PAX7: variants seen among roughly 807,000 people sequenced by gnomAD.
PAX7 encodes paired box 7, also known as paired box protein Pax-7.
Under a neutral mutation model 50.7 loss-of-function variants are expected in PAX7, and 18 were observed. The observed-to-expected ratio is 0.36, with a 90% CI of 0.25 to 0.53. PAX7 has a LOEUF of 0.53. Ranked by LOEUF, PAX7 falls within the 20% of genes least tolerant of loss-of-function variation. The pLI is 0.93. For synonymous variants in PAX7, 310 were observed against 290.4 expected (o/e 1.07, Z -0.69); for missense variants, 644 against 702.9 (o/e 0.92, Z 0.95).
At position 18,700,006 on chromosome 1, in the gene PAX7, T is replaced by C. The variant is rs1265811606; in HGVS notation, c.787-647T>C. Among the ~76,000 whole-genome samples the C allele has an allele frequency of 6.6e-6, 1 of 152,070 alleles. No homozygotes were observed. ...TCTCATGGGTCTATGTATGGATTGA[T>C]ACGTGAAGTGCCAGCACAGGAAGGG... On this transcript the variant is annotated intron_variant, in intron 5 of 8. Transcript: ENST00000420770. The surrounding 1 kb of genome is among the most constrained non-coding windows in gnomAD (Gnocchi z 4.8).
At chr1:18,702,293 C>A (rs1423012581) in intron 6 of PAX7, among the ~76,000 whole-genome samples, 1 of 152,060 alleles carries the variant, frequency 6.6e-6, no homozygotes, top group Non-Finnish European at 1.5e-5. Flanking sequence ...GAGCCCAGAT[C>A]GCGCCACTGC....
chr1:18,694,507 A>T (rs2089125873), intron 5 of PAX7, among the ~76,000 whole-genome samples: 1 of 144,614 alleles, frequency 6.9e-6, no homozygotes, highest in African/African-American at 2.5e-5. Flanking sequence ...TAAATAAATA[A>T]ATATAAAATA....
chr1:18,736,139 C>T, intron 8 of PAX7: 1 of 641,958 alleles, frequency 1.6e-6, no homozygotes, highest in Non-Finnish European at 2.7e-6. Flanking sequence ...ACAAATATCA[C>T]TTAACATTTC....
At chr1:18,644,947 T>C (rs896797699) in intron 4 of PAX7, among the ~76,000 whole-genome samples, 16 of 152,228 alleles carry the variant, frequency 1.1e-4, no homozygotes, top group African/African-American at 3.9e-4. Flanking sequence ...TTGTGTTAAG[T>C]GACCTCAAGA....
At chr1:18,657,802 C>T (rs368219121) in intron 4 of PAX7, among the ~76,000 whole-genome samples, 1 of 151,962 alleles carries the variant, frequency 6.6e-6, no homozygotes. Context: ...GAGAATGCCC[C>T]CTAAAAAAAA....
chr1:18,701,822 G>C (rs2789322), intron 6 of PAX7, among the ~76,000 whole-genome samples: 58,168 of 151,728 alleles, frequency 0.38, 12,673 homozygotes, highest in East Asian at 0.6. Context: ...CCCTTCTAGC[G>C]CTGGAAAGGG....
intron 4 of PAX7, among the ~76,000 whole-genome samples, chr1:18,676,359 A>G (rs903273831): frequency 1.4e-5 from 2 of 144,828 alleles, no homozygotes; most frequent in Non-Finnish European, 3.0e-5. Flanking sequence ...GTTGCAGTAG[A>G]TTGATGGGGG....
rs1481344968 is a variant in PAX7, at chr1:18,735,516, T to A, written c.1156-116T>A. 1 of 1,505,946 alleles carries A rather than the reference T, an allele frequency of 6.6e-7. No homozygotes were observed. The highest frequency in any genetic ancestry group is 1.4e-5 in the African/African-American group (1 of 71,626). 93.3% of individuals were successfully genotyped at this position (1,505,946 alleles called of 1,614,324 possible). ...TGAGGACCTCGAAGCTACAGAGACT[T>A]CAAGGGAACAACTCTGGCAAAGAGT... On this transcript the variant is annotated intron_variant, in intron 7 of 8. Transcript: ENST00000420770. This position sits in a 1 kb window ranked among gnomAD's most constrained non-coding sequence, Gnocchi z 4.0.
At chr1:18,645,205 G>A (rs2088318722) in intron 4 of PAX7, among the ~76,000 whole-genome samples, 1 of 152,202 alleles carries the variant, frequency 6.6e-6, no homozygotes, top group Non-Finnish European at 1.5e-5. Context: ...GAATTTGGCA[G>A]CCAGCCCCCA....
At position 18,634,191 on chromosome 1, in the gene PAX7, T is replaced by TGA. The variant is rs1342918965; in HGVS notation, c.86-110_86-109dup. On this transcript the variant is annotated intron_variant, in intron 1 of 8. Transcript: ENST00000420770. This position sits in a 1 kb window ranked among gnomAD's most constrained non-coding sequence, Gnocchi z 4.0. Reference sequence around the variant, plus strand: ...TGTGAGGACCACCGGGATTGCTGTCTGAGGTCTTGGGGCTCAAACAAACAA... The same window carrying TGA: ...TGTGAGGACCACCGGGATTGCTGTCTGAGAGGTCTTGGGGCTCAAACAAACAA... 2.6e-6 allele frequency: 2 copies of TGA among 777,196 alleles called. No individual in the cohort carries two copies. The highest frequency in any genetic ancestry group is 4.8e-5 in the Admixed American group (2 of 41,898). The allele number at this position is 777,196 out of a possible 1,614,324, so 48.1% of individuals were successfully genotyped here. A position where few individuals can be genotyped will look rare whatever the true frequency, so the allele number is the denominator to read the frequency against.
At chr1:18,656,661 AAGTAAAATG>A (rs1368785088) in intron 4 of PAX7, among the ~76,000 whole-genome samples, 1 of 151,990 alleles carries the variant, frequency 6.6e-6, no homozygotes, top group African/African-American at 2.4e-5. Flanking sequence ...TAGTTTCCCA[AAGTAAAATG>A]AGTAAAATAA....
At chr1:18,717,316 G>A (rs1005718812) in intron 7 of PAX7, among the ~76,000 whole-genome samples, 3 of 152,214 alleles carry the variant, frequency 2.0e-5, no homozygotes, top group African/African-American at 4.8e-5. Flanking sequence ...GGGGCAGGCG[G>A]CGAAGGGACG....
At chr1:18,643,080 G>A (rs1458385494) in intron 4 of PAX7, among the ~76,000 whole-genome samples, 1 of 152,176 alleles carries the variant, frequency 6.6e-6, no homozygotes, top group Non-Finnish European at 1.5e-5. Flanking sequence ...ACAGCCTCGG[G>A]AGGGGTGAAG....
intron 2 of PAX7, 82 bp from the exon 3 acceptor site, chr1:18,635,029 G>C: frequency 2.0e-6 from 3 of 1,523,882 alleles, no homozygotes; most frequent in Non-Finnish European, 2.7e-6. Flanking sequence ...CTGGTCTGGG[G>C]CTCTTAAGAG....
intron 4 of PAX7, among the ~76,000 whole-genome samples, chr1:18,655,170 A>G (rs1056517347): frequency 1.4e-4 from 22 of 152,200 alleles, no homozygotes; most frequent in African/African-American, 5.1e-4. Context: ...GTTATTTTCA[A>G]TGAAGACAAT....
At chr1:18,656,236 G>A (rs2088517790) in intron 4 of PAX7, among the ~76,000 whole-genome samples, 1 of 152,234 alleles carries the variant, frequency 6.6e-6, no homozygotes, top group Admixed American at 6.5e-5. Flanking sequence ...GCTCACGCCT[G>A]TAATCCCAGC....
At chr1:18,693,982 G>A (rs1326836857) in intron 5 of PAX7, among the ~76,000 whole-genome samples, 1 of 152,166 alleles carries the variant, frequency 6.6e-6, no homozygotes, top group Admixed American at 6.5e-5. Context: ...CTGAGGGGGC[G>A]GGGCCCGCCT....
At chr1:18,662,257 C>T (rs983227033) in intron 4 of PAX7, among the ~76,000 whole-genome samples, 5 of 152,184 alleles carry the variant, frequency 3.3e-5, no homozygotes, top group African/African-American at 9.6e-5. Context: ...GCTACTCCTG[C>T]TCTCTGAGCT....
chr1:18,635,254 T>C lies in PAX7; in HGVS notation c.451+14T>C, dbSNP rs768846421. 6.2e-7 allele frequency: 1 copy of C among 1,612,488 alleles called. No individual in the cohort carries two copies. The highest frequency in any genetic ancestry group is 8.5e-7 in the Non-Finnish European group (1 of 1,179,316). On this transcript the variant is annotated intron_variant, in intron 3 of 8. Transcript: ENST00000420770. ...CTGTGCCCTCAGGTGAGAAGGCAGCTGAGCCGGCAGAGCTGGCCCAGAGTG... is the reference window on the plus strand; with the variant it reads ...CTGTGCCCTCAGGTGAGAAGGCAGCCGAGCCGGCAGAGCTGGCCCAGAGTG...
Sources: allele counts gnomAD v4.1 joint callset (sites outside exome capture counted in the v4.1 genomes callset), GRCh38; gene constraint gnomAD v4.1.1; non-coding constraint Gnocchi (gnomAD v3.1); transcripts MANE v1.5; gene names NCBI Gene and HGNC (gene_info 2026-07-23, HGNC 2026-07-21).